MAP3K19: variants seen among roughly 807,000 people sequenced by gnomAD.
The protein encoded by MAP3K19 is SPS1/STE20-related protein kinase YSK4.
MAP3K19 carries 91 observed loss-of-function variants against 114.4 expected under a neutral mutation model. The observed-to-expected ratio is 0.80, with a 90% CI of 0.67 to 0.95. The LOEUF (loss-of-function observed/expected upper bound fraction) is 0.95, where lower values mean the gene tolerates loss of function less well. Among genes scored for constraint, MAP3K19 ranks in the 40% least tolerant of loss-of-function variants. The pLI is 0.00. For synonymous variants in MAP3K19, 518 were observed against 530.5 expected (o/e 0.98, Z 0.32); for missense variants, 1,471 against 1,573.2 (o/e 0.94, Z 1.10).
intron 1 of MAP3K19, among the ~76,000 whole-genome samples, chr2:135,046,824 T>C (rs998126299): frequency 6.6e-6 from 1 of 152,240 alleles, no homozygotes; most frequent in African/African-American, 2.4e-5. Context: ...GTATACAATA[T>C]TGATTGGTTA....
At chr2:134,991,136 C>T (rs1376503157) in intron 9 of MAP3K19, among the ~76,000 whole-genome samples, 1 of 151,874 alleles carries the variant, frequency 6.6e-6, no homozygotes, top group Non-Finnish European at 1.5e-5. Context: ...CCCGTCTCTA[C>T]TAAAAATACA....
chr2:134,986,977 A>G lies in MAP3K19; in HGVS notation c.1895T>C (p.Val632Ala). ...GTQKSCVPLSVQPTEPRLNYL... is the reference protein window; with the variant it reads ...GTQKSCVPLSAQPTEPRLNYL... ...ATTTAGTCTTGGCTCTGTCGGTTGA[A>G]CAGAGAGAGGAACACATGACTTCTG... The change falls in exon 10 of 13, where the codon GTT becomes GCT. Residue 632 changes from valine (V) to alanine (A), a missense_variant. Val to Ala is a moderately conservative substitution (Grantham distance 64). Transcript: ENST00000392915. 6 of 1,613,874 alleles carry G rather than the reference A, an allele frequency of 3.7e-6. No homozygotes were observed. The highest frequency in any genetic ancestry group is 5.1e-6 in the Non-Finnish European group (6 of 1,180,026).
chr2:134,979,469 TGTG>T (rs1684468905), intron 12 of MAP3K19, among the ~76,000 whole-genome samples: 3 of 151,908 alleles, frequency 2.0e-5, no homozygotes, highest in African/African-American at 7.3e-5. Flanking sequence ...TGTGTGTGTG[TGTG>T]TGTGTAATCA....
Position 134,983,242 on chromosome 2 carries a change from T to A in MAP3K19, c.3222+434A>T, listed in dbSNP as rs749121640. ...GTTCACAAAATGGAAGGAACATCTTTTGTTTTTGCCATCTAGTAATGATTC... is the reference window on the plus strand; with the variant it reads ...GTTCACAAAATGGAAGGAACATCTTATGTTTTTGCCATCTAGTAATGATTC... On this transcript the variant is annotated intron_variant, in intron 11 of 12. Transcript: ENST00000392915. 4 of 534,672 alleles carry A rather than the reference T, an allele frequency of 7.5e-6. No individual in the cohort carries two copies. In the Admixed American group the frequency reaches 7.7e-5, roughly 10 times the overall value. The allele number at this position is 534,672 out of a possible 1,614,324, so 33.1% of individuals were successfully genotyped here. A position where few individuals can be genotyped will look rare whatever the true frequency, so the allele number is the denominator to read the frequency against.
intron 12 of MAP3K19, among the ~76,000 whole-genome samples, chr2:134,977,185 CTT>C (rs113967823): frequency 9.9e-5 from 14 of 141,614 alleles, no homozygotes; most frequent in Non-Finnish European, 9.2e-5. Context: ...CCCCCACCCA[CTT>C]TTTTTTTTTT....
Position 135,033,552 on chromosome 2 carries a change from C to T in MAP3K19, c.-283-3052G>A, listed in dbSNP as rs1335316492. ...GCAGAGGCGCCCCTCACCTCCCGGA[C>T]GGGGCGGCTGGCGGGCGGGGGGCTG... On this transcript the variant is annotated intron_variant, in intron 2 of 12. Transcript: ENST00000392915. Among the ~76,000 whole-genome samples, 6 of 6,300 alleles carry T rather than the reference C, an allele frequency of 9.5e-4. 1 individual carries two copies. The highest frequency in any genetic ancestry group is 4.4e-3 in the African/African-American group (3 of 678). The allele number at this position is 6,300 out of a possible 152,430, so 4.1% of individuals were successfully genotyped here. A position where few individuals can be genotyped will look rare whatever the true frequency, so the allele number is the denominator to read the frequency against.
Position 134,981,246 on chromosome 2 carries a change from T to C in MAP3K19, c.3495A>G (p.Lys1165=), listed in dbSNP as rs1290207085. 2 of 1,614,214 alleles carry C rather than the reference T, an allele frequency of 1.2e-6. No individual in the cohort carries two copies. The highest frequency in any genetic ancestry group is 2.2e-5 in the East Asian group (1 of 44,890). Residue 1165 remains lysine, a synonymous_variant, in exon 12 of 13, where the codon AAA becomes AAG. Transcript: ENST00000392915. ...FGPLPEMVFC[K]YTKQILQGVA... is the part of the protein sequence containing the mutation. ...CACCTTGAAGTATTTGTTTCGTATA[T>C]TTACAGAACACCATCTCAGGCAATG...
chr2:134,977,022 G>A (rs1684281566), intron 12 of MAP3K19, among the ~76,000 whole-genome samples: 1 of 148,408 alleles, frequency 6.7e-6, no homozygotes, highest in East Asian at 2.0e-4. Flanking sequence ...TTCCAGCCTG[G>A]GTAACAAAGC....
intron 12 of MAP3K19, among the ~76,000 whole-genome samples, chr2:134,973,173 G>T (rs1158697712): frequency 6.6e-6 from 1 of 152,150 alleles, no homozygotes; most frequent in African/African-American, 2.4e-5. Flanking sequence ...TTAAATCCAG[G>T]TTTCTCTATT....
chr2:135,026,826 A>G (rs1045022959), intron 3 of MAP3K19, among the ~76,000 whole-genome samples: 4 of 152,234 alleles, frequency 2.6e-5, no homozygotes, highest in African/African-American at 7.2e-5. Context: ...TGACATTCCC[A>G]GTAACTACCA....
intron 12 of MAP3K19, among the ~76,000 whole-genome samples, chr2:134,978,253 C>A (rs1684386853): frequency 6.6e-6 from 1 of 150,872 alleles, no homozygotes; most frequent in Non-Finnish European, 1.5e-5. Context: ...GTGGTGCCAT[C>A]TCAGCCCACT....
intron 6 of MAP3K19, among the ~76,000 whole-genome samples, chr2:135,003,915 CTT>C (rs1559171192): frequency 1.3e-5 from 2 of 152,204 alleles, no homozygotes; most frequent in African/African-American, 4.8e-5. Flanking sequence ...ATCTAAAACA[CTT>C]TTATTTCAGA....
intron 11 of MAP3K19, among the ~76,000 whole-genome samples, chr2:134,982,352 CT>C (rs10707203): frequency 0.11 from 10,777 of 99,864 alleles, 604 homozygotes; most frequent in East Asian, 0.39. Context: ...AGATTTTTTT[CT>C]TTTTTTTTTT....
chr2:134,998,551 A>AC (rs1335246804), intron 8 of MAP3K19, among the ~76,000 whole-genome samples, 187 bp downstream of exon 8: 1 of 152,112 alleles, frequency 6.6e-6, no homozygotes, highest in Non-Finnish European at 1.5e-5. Context: ...CCTTCATTTT[A>AC]CTTGTTTACT....
chr2:135,019,199 T>A (rs567643660), intron 5 of MAP3K19, among the ~76,000 whole-genome samples: 20 of 152,288 alleles, frequency 1.3e-4, no homozygotes, highest in African/African-American at 4.8e-4. Flanking sequence ...GGTGAACAAT[T>A]CCTAGTCACA....
intron 5 of MAP3K19, among the ~76,000 whole-genome samples, chr2:135,011,426 A>G (rs1324271132): frequency 6.6e-6 from 1 of 151,258 alleles, no homozygotes; most frequent in Non-Finnish European, 1.5e-5. Context: ...AGTCCCAGCT[A>G]CTCGGGAAGC....
chr2:134,992,881 A>C (rs571888951), intron 8 of MAP3K19, among the ~76,000 whole-genome samples: 1 of 152,034 alleles, frequency 6.6e-6, no homozygotes, highest in East Asian at 1.9e-4. Context: ...GGGTTTCACT[A>C]TGTTGGCTAG....
intron 5 of MAP3K19, among the ~76,000 whole-genome samples, chr2:135,018,645 C>CT (rs1447125682): frequency 6.6e-6 from 1 of 152,166 alleles, no homozygotes; most frequent in Non-Finnish European, 1.5e-5. Flanking sequence ...TGGACCAGAT[C>CT]TTTTTTCTTT....
rs142157842 is a variant in MAP3K19 at position 135,011,261 on chromosome 2, G to A, written c.139-5730C>T. ...AAGGTTTTTAAAAAAAGTTTTGCCAGGCGCGGTGGCTCACGCCTGTTATCC... is the reference window on the plus strand; with the variant it reads ...AAGGTTTTTAAAAAAAGTTTTGCCAAGCGCGGTGGCTCACGCCTGTTATCC... On this transcript the variant is annotated intron_variant, in intron 5 of 12. Coordinates refer to ENST00000392915, the MANE Select transcript of MAP3K19 (RefSeq NM_025052.5). Among the ~76,000 whole-genome samples the A allele has an allele frequency of 2.7e-3, 418 of 152,302 alleles. 1 individual carries two copies. Among genetic ancestry groups the A allele is most frequent in the African/African-American group, 9.8e-3 (408 of 41,552 alleles).
Sources: allele counts gnomAD v4.1 joint callset (sites outside exome capture counted in the v4.1 genomes callset), GRCh38; gene constraint gnomAD v4.1.1; transcripts MANE v1.5; gene names NCBI Gene and HGNC (gene_info 2026-07-23, HGNC 2026-07-21).